SLC16A10: variants seen among roughly 807,000 people sequenced by gnomAD.
The protein encoded by SLC16A10 is monocarboxylate transporter 10.
Under a neutral mutation model 40.0 loss-of-function variants are expected in SLC16A10, and 27 were observed. The ratio of observed to expected loss-of-function variants is 0.67; its 90% CI spans 0.50 to 0.93. SLC16A10 has a LOEUF of 0.93. SLC16A10 is among the 40% of genes least tolerant of loss of function. The pLI, the probability that SLC16A10 is intolerant of heterozygous loss-of-function variation, is 0.00. For missense variants in SLC16A10, 529 were observed against 658.2 expected, an observed-to-expected ratio of 0.80 and a Z score of 2.15; for synonymous variants, 213 against 249.8, an observed-to-expected ratio of 0.85 and a Z score of 1.39.
At chr6:111,181,435 G>A (rs1162517114) in intron 3 of SLC16A10, among the ~76,000 whole-genome samples, 1 of 152,092 alleles carries the variant, frequency 6.6e-6, no homozygotes, top group Non-Finnish European at 1.5e-5. Context: ...TTAATGTAAG[G>A]CAATGTGATT....
rs1771061653 is a variant in SLC16A10, at chr6:111,229,112, A to G, written c.*6877A>G. 1.3e-5 allele frequency: 2 copies of G among 150,770 alleles called. No individual in the cohort carries two copies. The highest frequency in any genetic ancestry group is 4.9e-5 in the African/African-American group (2 of 41,016). 9.3% of individuals were successfully genotyped at this position (150,770 alleles called of 1,614,324 possible). On this transcript the variant is annotated 3_prime_UTR_variant, in exon 6 of 6. Coordinates refer to ENST00000368851, the MANE Select transcript of SLC16A10 (RefSeq NM_018593.5). The stretch of plus-strand genomic sequence containing the variant: ...TATAGTTGGTGCCTCTTTTTTTTCT[A>G]CCAAAGATTATTAGATCAAGATTGG...
At chr6:111,113,054 T>G (rs1217669548) in intron 1 of SLC16A10, among the ~76,000 whole-genome samples, 2 of 152,126 alleles carry the variant, frequency 1.3e-5, no homozygotes, top group African/African-American at 2.4e-5. Flanking sequence ...TTACTCTATA[T>G]TAAATATACT....
At chr6:111,172,909 C>G in intron 2 of SLC16A10, 70 bp downstream of exon 2, 1 of 1,537,284 alleles carries the variant, frequency 6.5e-7, no homozygotes, top group Non-Finnish European at 8.8e-7. Context: ...CTTTCAGAAA[C>G]TATGCTATTT....
At chr6:111,090,842 G>T (rs1770961807) in intron 1 of SLC16A10, among the ~76,000 whole-genome samples, 2 of 152,138 alleles carry the variant, frequency 1.3e-5, no homozygotes, top group African/African-American at 4.8e-5. Flanking sequence ...CAAAGTTTTG[G>T]TCTATTTTCT....
At chr6:111,185,470 C>T (rs191464154) in intron 3 of SLC16A10, among the ~76,000 whole-genome samples, 5 of 152,196 alleles carry the variant, frequency 3.3e-5, no homozygotes, top group African/African-American at 4.8e-5. Context: ...TGGAGGAAAC[C>T]AGCTTTTGTT....
intron 3 of SLC16A10, chr6:111,193,206 C>A: frequency 3.8e-6 from 3 of 787,420 alleles, no homozygotes; most frequent in Non-Finnish European, 4.6e-6. Flanking sequence ...CACTTTGTCC[C>A]TACTTTTTCT....
Position 111,177,549 on chromosome 6 carries a change from T to C in SLC16A10, c.826T>C (p.Phe276Leu), listed in dbSNP as rs1772710262. The part of the protein sequence containing the change: ...SGSSLFSRKK[F>L]SPPKKIFNFA... ...ATCCTCCCTCTTTTCCAGGAAAAAG[T>C]TCAGTCCTCCAAAAAAAATTTTCAA... Residue 276 changes from phenylalanine (F) to leucine (L), a missense_variant, in exon 3 of 6, where the codon TTC (phenylalanine) becomes CTC (leucine). Phe to Leu is a conservative substitution (Grantham distance 22). Coordinates refer to ENST00000368851, the MANE Select transcript of SLC16A10 (RefSeq NM_018593.5). 1 of 1,613,004 alleles carries C rather than the reference T, an allele frequency of 6.2e-7. No homozygotes were observed. Among genetic ancestry groups the C allele is most frequent in the Non-Finnish European group, 8.5e-7 (1 of 1,179,700 alleles).
intron 3 of SLC16A10, 187 bp downstream of exon 3, chr6:111,177,852 A>G (rs1442771620): frequency 7.3e-6 from 4 of 549,696 alleles, no homozygotes; most frequent in Non-Finnish European, 3.1e-6. Context: ...CAGAGAGAGT[A>G]TGTTTCATAG....
intron 5 of SLC16A10, among the ~76,000 whole-genome samples, chr6:111,221,600 G>T (rs1770894410): frequency 6.6e-6 from 1 of 151,848 alleles, no homozygotes; most frequent in Admixed American, 6.6e-5. Flanking sequence ...ATAAAAATTA[G>T]CCAGGCATGG....
chr6:111,228,292 G>A lies in SLC16A10; in HGVS notation c.*6057G>A, dbSNP rs1474663107. 6.6e-6 allele frequency: 1 copy of A among 152,180 alleles called. No homozygotes were observed. The highest frequency in any genetic ancestry group is 1.5e-5 in the Non-Finnish European group (1 of 68,028). 9.4% of individuals were successfully genotyped at this position (152,180 alleles called of 1,614,324 possible). On this transcript the variant is annotated 3_prime_UTR_variant, in exon 6 of 6. Transcript: ENST00000368851. The stretch of plus-strand genomic sequence containing the variant: ...ACTTACACATTAAACTCCTGTAAGA[G>A]ACACTCCTTCCTAGTAGAACAAGGA...
intron 1 of SLC16A10, among the ~76,000 whole-genome samples, chr6:111,145,637 C>A (rs1033499962): frequency 2.6e-5 from 4 of 151,648 alleles, no homozygotes; most frequent in African/African-American, 4.8e-5. Flanking sequence ...TTACTTGAGG[C>A]TTGGAGTTCA....
At chr6:111,149,249 T>G (rs1349553784) in intron 1 of SLC16A10, among the ~76,000 whole-genome samples, 1 of 152,164 alleles carries the variant, frequency 6.6e-6, no homozygotes, top group Non-Finnish European at 1.5e-5. Flanking sequence ...CAGGAGAAAC[T>G]ATGTTCTGCA....
At chr6:111,090,380 C>T (rs1455627207) in intron 1 of SLC16A10, among the ~76,000 whole-genome samples, 2 of 152,170 alleles carry the variant, frequency 1.3e-5, no homozygotes, top group East Asian at 1.9e-4. Context: ...CTCTGGGTGC[C>T]CTTTGTCTGA....
At chr6:111,103,627 A>C (rs1011109234) in intron 1 of SLC16A10, among the ~76,000 whole-genome samples, 1 of 152,220 alleles carries the variant, frequency 6.6e-6, no homozygotes, top group Non-Finnish European at 1.5e-5. Context: ...ATGATACATA[A>C]GTAACTCTGA....
chr6:111,138,766 C>G (rs9400468), intron 1 of SLC16A10, among the ~76,000 whole-genome samples: 22 of 152,102 alleles, frequency 1.4e-4, no homozygotes, highest in Middle Eastern at 6.8e-3. Context: ...GACTACAGGC[C>G]TGCACCACTG....
chr6:111,206,881 T>C (rs1773263889), intron 4 of SLC16A10, 146 bp downstream of exon 4: 1 of 1,029,618 alleles, frequency 9.7e-7, no homozygotes, highest in South Asian at 1.7e-5. Context: ...CAGGCTGGAG[T>C]GCAATGGCAC....
At chr6:111,157,553 A>T (rs994222085) in intron 1 of SLC16A10, among the ~76,000 whole-genome samples, 12 of 152,188 alleles carry the variant, frequency 7.9e-5, no homozygotes, top group African/African-American at 2.9e-4. Flanking sequence ...AAGTGCTGGG[A>T]TTACAGGCAT....
intron 1 of SLC16A10, among the ~76,000 whole-genome samples, chr6:111,096,304 T>C (rs558735747): frequency 6.6e-6 from 1 of 152,372 alleles, no homozygotes; most frequent in South Asian, 2.1e-4. Flanking sequence ...TCTGGTCTTA[T>C]ATTCAAATTA....
chr6:111,181,682 A>G (rs1772793837), intron 3 of SLC16A10, among the ~76,000 whole-genome samples: 1 of 152,214 alleles, frequency 6.6e-6, no homozygotes, highest in African/African-American at 2.4e-5. Flanking sequence ...TAGATTGTAC[A>G]TGATGATTTG....
Sources: gnomAD v4.1 joint callset for allele counts (sites outside exome capture counted in the v4.1 genomes callset) on GRCh38, gnomAD v4.1.1 for gene constraint, MANE v1.5 for transcripts, NCBI Gene and HGNC (gene_info 2026-07-23, HGNC 2026-07-21) for gene names.